BBS1: variants seen among roughly 807,000 people sequenced by gnomAD.
BBS1 encodes the protein BBSome complex member BBS1.
In BBS1, 60 loss-of-function variants were observed where a neutral mutation model predicts 73.9. The ratio of observed to expected loss-of-function variants is 0.81; its 90% CI spans 0.66 to 1.01. BBS1 has a LOEUF of 1.01. Among genes scored for constraint, BBS1 ranks in the 50% least tolerant of loss-of-function variants. The probability of loss-of-function intolerance (pLI) is 0.00; values close to 1 mark genes in which losing one functional copy is unlikely to be tolerated. For missense variants in BBS1, 718 were observed against 770.3 expected (o/e 0.93, Z 0.80); for synonymous variants, 283 against 317.4 (o/e 0.89, Z 1.15).
chr11:66,518,811 G>A (rs1484350146), intron 7 of BBS1, among the ~76,000 whole-genome samples: 1 of 146,936 alleles, frequency 6.8e-6, no homozygotes, highest in Non-Finnish European at 1.5e-5. Context: ...AGGCTGGAAT[G>A]CAGTGGCAGG....
chr11:66,532,031 C>T lies in BBS1; in HGVS notation c.1776C>T (p.Ala592=), dbSNP rs1489468740. The T allele has an allele frequency of 2.1e-5, 33 of 1,603,474 alleles. No homozygotes were observed. The highest frequency in any genetic ancestry group is 1.3e-4 in the South Asian group (12 of 89,702). ...VNMPGSEGLA[A]A is the part of the protein sequence containing the mutation. ...TGCCTGGGAGCGAGGGGCTGGCGGCCGCCTGAGACCTGAGCTGCTGTGAAA... is the reference window on the plus strand; with the variant it reads ...TGCCTGGGAGCGAGGGGCTGGCGGCTGCCTGAGACCTGAGCTGCTGTGAAA... Residue 592 remains alanine, a synonymous_variant, in exon 17 of 17, where the codon GCC becomes GCT. Transcript: ENST00000318312.
At chr11:66,515,393 C>T (rs1286479924) in intron 4 of BBS1, 147 bp from the exon 5 acceptor site, 2 of 828,472 alleles carry the variant, frequency 2.4e-6, no homozygotes, top group African/African-American at 1.7e-5. Context: ...AGATAAAGGA[C>T]GTGAGCTTGG....
At position 66,521,259 on chromosome 11, in the gene BBS1, C is replaced by T; in HGVS notation, c.724-11C>T. On this transcript the variant is annotated splice_polypyrimidine_tract_variant and intron_variant, in intron 8 of 16. Transcript: ENST00000318312. ...CAGAGAAATTGGAGTGTTTGCGCTT[C>T]TTGTTTGCAGATGAGCCTTCCCAGC... 6.2e-7 allele frequency: 1 copy of T among 1,610,758 alleles called. No individual in the cohort carries two copies. The highest frequency in any genetic ancestry group is 1.1e-5 in the South Asian group (1 of 91,014).
chr11:66,523,652 T>TC (rs1176721907), intron 10 of BBS1, 72 bp from the exon 11 acceptor site: 1 of 1,611,194 alleles, frequency 6.2e-7, no homozygotes, highest in African/African-American at 1.3e-5. Context: ...TCCTCTGGCT[T>TC]CCCCACCCCA....
intron 3 of BBS1, 49 bp from the exon 4 acceptor site, chr11:66,514,357 G>C: frequency 6.2e-7 from 1 of 1,610,160 alleles, no homozygotes; most frequent in African/African-American, 1.3e-5. Context: ...AGGGTCAGTG[G>C]AGAGGTCTTC....
chr11:66,510,969 C>T, intron 1 of BBS1, 44 bp from the exon 2 acceptor site: 3 of 1,604,352 alleles, frequency 1.9e-6, no homozygotes, highest in Non-Finnish European at 2.6e-6. Flanking sequence ...TTTTTTTCCC[C>T]TCCCATGGGA....
intron 8 of BBS1, 140 bp downstream of exon 8, chr11:66,519,888 C>T: frequency 1.7e-6 from 2 of 1,147,168 alleles, no homozygotes; most frequent in Non-Finnish European, 2.5e-6. Context: ...AGATATATAT[C>T]CAAAAATCCT....
Position 66,519,764 on chromosome 11 carries a change from G to A in BBS1, c.723+16G>A. 2 of 1,612,186 alleles carry A rather than the reference G, an allele frequency of 1.2e-6. No individual in the cohort carries two copies. The highest frequency in any genetic ancestry group is 1.7e-6 in the Non-Finnish European group (2 of 1,179,798). On this transcript the variant is annotated intron_variant, in intron 8 of 16. Coordinates refer to ENST00000318312, the MANE Select transcript of BBS1 (RefSeq NM_024649.5). ...TTTAGCCAAGGTCAGCGTCAGGTCT[G>A]GCCCTGGGCCCGCTGGAGGCCCAGG...
Position 66,523,893 on chromosome 11 carries a change from T to C in BBS1, c.1110+11T>C. On this transcript the variant is annotated intron_variant, in intron 11 of 16. Transcript: ENST00000318312. Reference sequence around the variant, plus strand: ...GTCATCCACACCCCGGTGAGCCCCATCTCCGGCATCTGCCACTCACTCCTC... The same window carrying C: ...GTCATCCACACCCCGGTGAGCCCCACCTCCGGCATCTGCCACTCACTCCTC... 1 of 1,612,240 alleles carries C rather than the reference T, an allele frequency of 6.2e-7. No homozygotes were observed. The highest frequency in any genetic ancestry group is 8.5e-7 in the Non-Finnish European group (1 of 1,180,008).
At chr11:66,510,795 G>A (rs2134764577) in intron 1 of BBS1, 89 bp downstream of exon 1, 2 of 1,574,664 alleles carry the variant, frequency 1.3e-6, no homozygotes, top group Non-Finnish European at 1.7e-6. Context: ...CTGTTCTCGG[G>A]CAGTCTGGAA....
At chr11:66,518,910 A>G (rs1032174650) in intron 7 of BBS1, among the ~76,000 whole-genome samples, 1 of 152,096 alleles carries the variant, frequency 6.6e-6, no homozygotes, top group African/African-American at 2.4e-5. Context: ...GATGCATGCC[A>G]TCGCACCTGG....
intron 15 of BBS1, 112 bp from the exon 16 acceptor site, chr11:66,531,544 C>G: frequency 7.1e-7 from 1 of 1,406,128 alleles, no homozygotes; most frequent in Non-Finnish European, 1.0e-6. Flanking sequence ...GTTGTCCTGC[C>G]CACCCTGCAG....
In BBS1 at chr11:66,529,969, G is replaced by A. The variant is rs771185472; in HGVS notation, c.1473+17G>A. 6.3e-7 allele frequency: 1 copy of A among 1,594,876 alleles called. No homozygotes were observed. Among genetic ancestry groups the A allele is most frequent in the Non-Finnish European group, 8.5e-7 (1 of 1,176,580 alleles). ...CACGCCGTGGTGAGCATCTGGGTGAGGGCAGAGTCAGGGCCAGAGGGGCAG... is the reference window on the plus strand; with the variant it reads ...CACGCCGTGGTGAGCATCTGGGTGAAGGCAGAGTCAGGGCCAGAGGGGCAG... On this transcript the variant is annotated intron_variant, in intron 14 of 16. Transcript: ENST00000318312.
chr11:66,515,488 T>C, intron 4 of BBS1, 52 bp from the exon 5 acceptor site: 1 of 1,601,388 alleles, frequency 6.2e-7, no homozygotes, highest in South Asian at 1.1e-5. Context: ...GTGTAGACAT[T>C]GGGTTTCCTG....
chr11:66,518,716 T>G (rs886635670), intron 7 of BBS1, among the ~76,000 whole-genome samples: 1 of 151,468 alleles, frequency 6.6e-6, no homozygotes, highest in Admixed American at 6.6e-5. Flanking sequence ...CCTCCCAGAG[T>G]GCTGGGCTTA....
At chr11:66,522,661 T>A (rs1352340701) in intron 9 of BBS1, among the ~76,000 whole-genome samples, 1 of 152,188 alleles carries the variant, frequency 6.6e-6, no homozygotes, top group Non-Finnish European at 1.5e-5. Context: ...TGCATTTTTT[T>A]AATTCAATAA....
At chr11:66,512,533 C>T (rs1188235384) in intron 3 of BBS1, among the ~76,000 whole-genome samples, 1 of 152,114 alleles carries the variant, frequency 6.6e-6, no homozygotes, top group Non-Finnish European at 1.5e-5. Flanking sequence ...ATCATGGGGA[C>T]ACTACACTCA....
chr11:66,530,378 A>C (rs1269588254), intron 14 of BBS1, among the ~76,000 whole-genome samples: 1 of 151,900 alleles, frequency 6.6e-6, no homozygotes, highest in Non-Finnish European at 1.5e-5. Flanking sequence ...CACCGAGACC[A>C]GCACGGGCAA....
At chr11:66,518,466 T>TC (rs1427541105) in intron 7 of BBS1, among the ~76,000 whole-genome samples, 1 of 150,570 alleles carries the variant, frequency 6.6e-6, no homozygotes, top group Admixed American at 6.6e-5. Flanking sequence ...TTTTTTTTTT[T>TC]TTTTCTTTTC....
Sources: allele counts gnomAD v4.1 joint callset (sites outside exome capture counted in the v4.1 genomes callset), GRCh38; gene constraint gnomAD v4.1.1; transcripts MANE v1.5; gene names NCBI Gene and HGNC (gene_info 2026-07-23, HGNC 2026-07-21).